The following WDR17 variants were observed in gnomAD, a reference collection of about 807,000 sequenced individuals.
WDR17 encodes WD repeat-containing protein 17.
In WDR17, 143 loss-of-function variants were observed where a neutral mutation model predicts 161.7. The observed-to-expected ratio is 0.88, with a 90% CI of 0.77 to 1.02. The LOEUF (loss-of-function observed/expected upper bound fraction) is 1.02. Ranked by LOEUF, WDR17 falls within the 50% of genes least tolerant of loss-of-function variation. The pLI is 0.00. For missense variants in WDR17, 1,469 were observed against 1,520.9 expected, an observed-to-expected ratio of 0.97 and a Z score of 0.57; for synonymous variants, 517 against 515.6, an observed-to-expected ratio of 1.00 and a Z score of -0.04.
chr4:176,172,765 G>A (rs963282728), intron 24 of WDR17, among the ~76,000 whole-genome samples: 5 of 152,116 alleles, frequency 3.3e-5, no homozygotes, highest in African/African-American at 1.2e-4. Context: ...TGGTGCAGGA[G>A]CAGGCATATC....
chr4:176,174,348 A>G (rs1751163629), intron 25 of WDR17, among the ~76,000 whole-genome samples: 1 of 152,204 alleles, frequency 6.6e-6, no homozygotes, highest in Admixed American at 6.5e-5. Context: ...ACATGAAGAA[A>G]CAGCCAGGAA....
intron 22 of WDR17, among the ~76,000 whole-genome samples, chr4:176,168,069 C>G (rs545817605): frequency 1.2e-3 from 181 of 151,942 alleles, no homozygotes; most frequent in African/African-American, 4.2e-3. Context: ...ATTGCTTGAA[C>G]CCAGGAGGCA....
At chr4:176,096,760 G>A (rs919539269) in intron 1 of WDR17, among the ~76,000 whole-genome samples, 4 of 151,896 alleles carry the variant, frequency 2.6e-5, no homozygotes, top group African/African-American at 9.6e-5. Flanking sequence ...TATAATAAGG[G>A]TAATTATATA....
intron 7 of WDR17, among the ~76,000 whole-genome samples, chr4:176,133,965 A>C (rs1354583144): frequency 6.6e-6 from 1 of 151,912 alleles, no homozygotes; most frequent in Non-Finnish European, 1.5e-5. Context: ...ATTTCAAAAA[A>C]TAAAATTTTA....
chr4:176,151,387 T>C (rs1051686956), intron 16 of WDR17, among the ~76,000 whole-genome samples: 2 of 152,254 alleles, frequency 1.3e-5, no homozygotes, highest in Admixed American at 6.5e-5. Flanking sequence ...TCCCCTCCCG[T>C]GTCCCACCCC....
At chr4:176,117,951 AC>A (rs1200107960) in intron 3 of WDR17, among the ~76,000 whole-genome samples, 2 of 151,938 alleles carry the variant, frequency 1.3e-5, no homozygotes, top group African/African-American at 4.8e-5. Flanking sequence ...CATTAAGTGA[AC>A]TTTTTTTTTC....
chr4:176,167,827 T>C (rs1750105786), intron 22 of WDR17, among the ~76,000 whole-genome samples: 1 of 151,954 alleles, frequency 6.6e-6, no homozygotes, highest in Non-Finnish European at 1.5e-5. Flanking sequence ...AACCCTCAGT[T>C]GCTTTAGTCC....
intron 1 of WDR17, among the ~76,000 whole-genome samples, chr4:176,069,520 G>T (rs977427371): frequency 6.6e-6 from 1 of 152,132 alleles, no homozygotes; most frequent in African/African-American, 2.4e-5. Context: ...CCATGTGTCA[G>T]TGAAGATGTT....
chr4:176,163,766 G>A (rs994404401), intron 22 of WDR17, among the ~76,000 whole-genome samples: 1 of 152,144 alleles, frequency 6.6e-6, no homozygotes, highest in Non-Finnish European at 1.5e-5. Flanking sequence ...CAAAGAAAGA[G>A]ACCCTGGGAA....
At chr4:176,120,288 T>TATATATATATATATATATA (rs1174111501) in intron 4 of WDR17, among the ~76,000 whole-genome samples, 191 bp downstream of exon 4, 1 of 136,516 alleles carries the variant, frequency 7.3e-6, no homozygotes, top group African/African-American at 2.8e-5. Context: ...ATTTGAAGTT[T>TATATATATATATATATATA]TATATATATA....
intron 26 of WDR17, among the ~76,000 whole-genome samples, chr4:176,175,855 G>A (rs904041407): frequency 3.3e-5 from 5 of 151,588 alleles, no homozygotes; most frequent in Admixed American, 6.5e-5. Context: ...CACCATGCCC[G>A]GCCGGTTAAG....
intron 12 of WDR17, 51 bp from the exon 13 acceptor site, chr4:176,148,082 T>C (rs1746475384): frequency 2.0e-6 from 3 of 1,509,372 alleles, no homozygotes; most frequent in Non-Finnish European, 2.7e-6. Flanking sequence ...GTTAATACTC[T>C]AGATACATTA....
rs1735307151 is a variant in WDR17 at position 176,085,477 on chromosome 4, T to A, written c.-7+19398T>A. On this transcript the variant is annotated intron_variant, in intron 1 of 28. Coordinates refer to ENST00000508596, the MANE Select transcript of WDR17 (RefSeq NM_181265.4). ...ATGGGAAAAGTTTTACATGTAGACT[T>A]ATATTCATATTCAGGCTAAACAGAT... Among the ~76,000 whole-genome samples, 4 of 152,126 alleles carry A rather than the reference T, an allele frequency of 2.6e-5. No individual in the cohort carries two copies. In the South Asian group the frequency reaches 8.3e-4, roughly 31 times the overall value.
intron 1 of WDR17, among the ~76,000 whole-genome samples, chr4:176,077,119 G>T (rs1561067801): frequency 6.7e-6 from 1 of 149,332 alleles, no homozygotes; most frequent in Non-Finnish European, 1.5e-5. Context: ...CTTCCTTAGA[G>T]TATAGTACTA....
Position 176,151,841 on chromosome 4 carries a change from G to T in WDR17, c.2334G>T (p.Lys778Asn). ...TSEAQELTTV[K>N]MSKFGGGIGV... ...AAGCTCAAGAACTAACAACAGTCAA[G>T]ATGTCTAAATTTGGTGGTGGTATTG... Residue 778 changes from lysine to asparagine, a missense_variant, in exon 17 of 29, where the codon AAG becomes AAT. Physicochemically the swap from Lys to Asn is moderately conservative, Grantham distance 94. Transcript: ENST00000508596. 6.2e-7 allele frequency: 1 copy of T among 1,602,662 alleles called. No homozygotes were observed. Among genetic ancestry groups the T allele is most frequent in the Non-Finnish European group, 8.5e-7 (1 of 1,176,498 alleles).
At chr4:176,094,043 T>A (rs1963008) in intron 1 of WDR17, among the ~76,000 whole-genome samples, 106,794 of 152,022 alleles carry the variant, frequency 0.7, 37,854 homozygotes, top group South Asian at 0.77. Context: ...TAATAAAGAC[T>A]AACTTGGTGA....
chr4:176,091,962 C>T (rs1027957179), intron 1 of WDR17, among the ~76,000 whole-genome samples: 2 of 152,026 alleles, frequency 1.3e-5, no homozygotes, highest in Non-Finnish European at 2.9e-5. Flanking sequence ...AATAAAAAGT[C>T]TCCCATCAGG....
At chr4:176,172,675 C>T (rs184594302) in intron 24 of WDR17, among the ~76,000 whole-genome samples, 159 bp downstream of exon 24, 8 of 152,290 alleles carry the variant, frequency 5.3e-5, no homozygotes, top group Admixed American at 2.0e-4. Flanking sequence ...CATGGTTCTG[C>T]AGGCTGTACC....
chr4:176,121,081 T>G (rs1415952798), intron 4 of WDR17, among the ~76,000 whole-genome samples: 2 of 152,180 alleles, frequency 1.3e-5, no homozygotes, highest in Admixed American at 6.5e-5. Context: ...TCTCAGCTCT[T>G]TGTACACGTC....
Sources: gnomAD v4.1 joint callset for allele counts (sites outside exome capture counted in the v4.1 genomes callset) on GRCh38, gnomAD v4.1.1 for gene constraint, MANE v1.5 for transcripts, NCBI Gene and HGNC (gene_info 2026-07-23, HGNC 2026-07-21) for gene names.